Variants in RNF149 observed in about 807,000 individuals in gnomAD.
RNF149 encodes E3 ubiquitin-protein ligase RNF149.
Under a neutral mutation model 39.0 loss-of-function variants are expected in RNF149, and 21 were observed. That is an observed-to-expected ratio of 0.54 (90% CI 0.38 to 0.77). The LOEUF (loss-of-function observed/expected upper bound fraction) is 0.77, where lower values mean the gene tolerates loss of function less well. Among genes scored for constraint, RNF149 ranks in the 30% least tolerant of loss-of-function variants. The pLI is 0.00. For missense variants in RNF149, 493 were observed against 534.9 expected, an observed-to-expected ratio of 0.92 and a Z score of 0.77; for synonymous variants, 209 against 213.6, an observed-to-expected ratio of 0.98 and a Z score of 0.19.
At chr2:101,291,086 A>C (rs996554957) in intron 3 of RNF149, among the ~76,000 whole-genome samples, 5 of 152,264 alleles carry the variant, frequency 3.3e-5, no homozygotes, top group African/African-American at 1.2e-4. Flanking sequence ...TGTATTTAAA[A>C]ATATATTTAG....
chr2:101,289,154 C>A, intron 3 of RNF149, 99 bp from the exon 4 acceptor site: 1 of 676,548 alleles, frequency 1.5e-6, no homozygotes, highest in Admixed American at 2.7e-5. Context: ...GAATTCCCTT[C>A]TACAGTGGTA....
In RNF149 at chr2:101,277,178, AT is replaced by A. The variant is rs2104383367; in HGVS notation, c.*59del. ...CAAATTATGTGCTAAAGTAAAAAAA[AT>A]AAAATGTCCTTTAGTTCAAGCCAAA... On this transcript the variant is annotated 3_prime_UTR_variant, in exon 7 of 7. Transcript: ENST00000295317. 1 of 1,594,362 alleles carries A rather than the reference AT, an allele frequency of 6.3e-7. No homozygotes were observed. The highest frequency in any genetic ancestry group is 8.6e-7 in the Non-Finnish European group (1 of 1,168,486).
Position 101,277,122 on chromosome 2 carries a change from G to A in RNF149, c.*116C>T, listed in dbSNP as rs897183949. 2.1e-6 allele frequency: 3 copies of A among 1,462,138 alleles called. No homozygotes were observed. Among genetic ancestry groups the A allele is most frequent in the Non-Finnish European group, 2.8e-6 (3 of 1,083,120 alleles). 90.6% of individuals were successfully genotyped at this position (1,462,138 alleles called of 1,614,324 possible). The stretch of plus-strand genomic sequence containing the variant: ...TTGTATATCAAATCAGAATCTAATA[G>A]GTAAAATAATATACATTATTTTCAA... On this transcript the variant is annotated 3_prime_UTR_variant, in exon 7 of 7. Transcript: ENST00000295317.
At chr2:101,281,226 C>T (rs998235795) in intron 6 of RNF149, among the ~76,000 whole-genome samples, 1 of 146,598 alleles carries the variant, frequency 6.8e-6, no homozygotes, top group Non-Finnish European at 1.5e-5. Context: ...AAATGTAATA[C>T]TCTGTAGCTG....
intron 6 of RNF149, among the ~76,000 whole-genome samples, chr2:101,280,868 C>CA (rs1032921884): frequency 2.6e-4 from 40 of 152,098 alleles, no homozygotes; most frequent in African/African-American, 8.9e-4. Context: ...TTCATCACTT[C>CA]AAAAAAATTT....
At chr2:101,295,485 C>A (rs527406455) in intron 1 of RNF149, among the ~76,000 whole-genome samples, 2 of 151,798 alleles carry the variant, frequency 1.3e-5, no homozygotes, top group African/African-American at 4.8e-5. Context: ...CATAGTGAAA[C>A]CCTGCCTTTA....
chr2:101,282,925 ACTC>A (rs1467024742), intron 5 of RNF149, among the ~76,000 whole-genome samples: 2 of 151,438 alleles, frequency 1.3e-5, no homozygotes, highest in African/African-American at 4.9e-5. Flanking sequence ...TCCCATCCCT[ACTC>A]CTGACACACC....
rs1304365530 is a variant in RNF149, at chr2:101,308,126, C to CG, written c.460+2_460+3insC. 1.3e-5 allele frequency: 21 copies of CG among 1,607,648 alleles called. No homozygotes were observed. The highest frequency in any genetic ancestry group is 2.7e-5 in the African/African-American group (2 of 74,176). ...TCCCGTCCTCGCGCCCCGGCCTGCT[C>CG]ACCCGCGTGAGACATGGGCAAGGTG... On this transcript the variant is annotated splice_region_variant and intron_variant, in intron 1 of 6. Coordinates refer to ENST00000295317, the MANE Select transcript of RNF149 (RefSeq NM_173647.4).
intron 2 of RNF149, 92 bp from the exon 3 acceptor site, chr2:101,294,174 A>G (rs1683131804): frequency 7.1e-6 from 5 of 703,080 alleles, no homozygotes; most frequent in South Asian, 5.3e-5. Flanking sequence ...ACATAAGCAT[A>G]CAGAAAACAT....
At chr2:101,293,943 T>C in intron 3 of RNF149, 71 bp downstream of exon 3, 2 of 882,810 alleles carry the variant, frequency 2.3e-6, no homozygotes, top group Non-Finnish European at 3.6e-6. Flanking sequence ...CAATCCTTCT[T>C]TAAAATAAAC....
chr2:101,301,996 T>C (rs1204876609), intron 1 of RNF149, among the ~76,000 whole-genome samples: 2 of 152,228 alleles, frequency 1.3e-5, no homozygotes, highest in Non-Finnish European at 2.9e-5. Context: ...ACTTCCAGGT[T>C]TTCTTTTCCC....
In RNF149 at chr2:101,276,191, C is replaced by T. The variant is rs1043513084; in HGVS notation, c.*1047G>A. On this transcript the variant is annotated 3_prime_UTR_variant, in exon 7 of 7. Transcript: ENST00000295317. ...TCCACACTCTAAAAAATAACTGCCT[C>T]ATACTCGACTTCTACCTCCAAGAAG... 1.0e-5 allele frequency: 10 copies of T among 983,632 alleles called. No homozygotes were observed. Among genetic ancestry groups the T allele is most frequent in the Admixed American group, 1.2e-4 (2 of 16,266 alleles). 60.9% of individuals were successfully genotyped at this position (983,632 alleles called of 1,614,324 possible).
intron 4 of RNF149, 86 bp downstream of exon 4, chr2:101,288,887 T>C (rs1224279790): frequency 7.3e-6 from 5 of 681,802 alleles, no homozygotes; most frequent in Non-Finnish European, 1.3e-5. Context: ...AGATCTTCAT[T>C]ATCATAAAAA....
At position 101,305,791 on chromosome 2, in the gene RNF149, C is replaced by A. The variant is rs370650641; in HGVS notation, c.460+2338G>T. On this transcript the variant is annotated intron_variant, in intron 1 of 6. Transcript: ENST00000295317. Reference sequence around the variant, plus strand: ...GCCCTAGATTACTAGATTACTGTGTCGTCTCTGGCTAATCTTTTAAACTCC... The same window carrying A: ...GCCCTAGATTACTAGATTACTGTGTAGTCTCTGGCTAATCTTTTAAACTCC... 8.5e-5 allele frequency among the ~76,000 whole-genome samples: 13 copies of A among 152,186 alleles called. No individual in the cohort carries two copies. The South Asian group carries it at 2.1e-3, about 24-fold the overall frequency.
At chr2:101,295,660 CAA>C (rs780184197) in intron 1 of RNF149, among the ~76,000 whole-genome samples, 26 of 84,162 alleles carry the variant, frequency 3.1e-4, no homozygotes, top group Admixed American at 5.6e-4. Flanking sequence ...GACCCCATCT[CAA>C]AAAAAAAAAA....
chr2:101,277,481 C>T (rs1018085058), intron 6 of RNF149, among the ~76,000 whole-genome samples, 200 bp from the exon 7 acceptor site: 2 of 150,198 alleles, frequency 1.3e-5, no homozygotes, highest in African/African-American at 2.4e-5. Flanking sequence ...CTCCACCTCC[C>T]GGGTTCAAGC....
intron 3 of RNF149, among the ~76,000 whole-genome samples, chr2:101,291,656 T>C (rs759288266): frequency 6.6e-6 from 1 of 152,206 alleles, no homozygotes; most frequent in Admixed American, 6.5e-5. Context: ...TTTAAAATTA[T>C]ATGCTTCAAT....
At chr2:101,286,371 T>C in intron 4 of RNF149, 194 bp from the exon 5 acceptor site, 2 of 441,232 alleles carry the variant, frequency 4.5e-6, no homozygotes, top group Non-Finnish European at 8.2e-6. Context: ...TAGGGAAATT[T>C]TCCCTTCACT....
chr2:101,287,787 T>A (rs1682851106), intron 4 of RNF149, among the ~76,000 whole-genome samples: 1 of 152,222 alleles, frequency 6.6e-6, no homozygotes, highest in Admixed American at 6.5e-5. Flanking sequence ...TTCATTTCCT[T>A]CACAGAATTA....
Sources: gnomAD v4.1 joint callset for allele counts (sites outside exome capture counted in the v4.1 genomes callset) on GRCh38, gnomAD v4.1.1 for gene constraint, MANE v1.5 for transcripts, NCBI Gene and HGNC (gene_info 2026-07-23, HGNC 2026-07-21) for gene names.